The following OR5K4 variants were observed in gnomAD, a reference collection of about 807,000 sequenced individuals.
OR5K4 encodes the protein olfactory receptor 5K4.
In OR5K4, 16 loss-of-function variants were observed where a neutral mutation model predicts 11.8. The ratio of observed to expected loss-of-function variants is 1.36; its 90% CI spans 0.92 to 2.06. OR5K4 has a LOEUF of 2.06. Ranked by LOEUF, OR5K4 falls within the 30% of genes most tolerant of loss-of-function variation. OR5K4 has a pLI of 0.00. For missense variants in OR5K4, 442 were observed against 386.9 expected (o/e 1.14, Z -1.19); for synonymous variants, 152 against 135.1 (o/e 1.12, Z -0.87).
In OR5K4 at chr3:98,354,467, C is replaced by A. The variant is rs750351796; in HGVS notation, c.614C>A (p.Pro205Gln). ...NELMIYIFSI[P>Q]IQIFTIATVL... ...CTAATGATATATATCTTTTCAATAC[C>A]AATTCAAATCTTTACCATTGCTACT... The change falls in exon 1 of 1, where the codon CCA becomes CAA. Residue 205 changes from proline (P) to glutamine (Q), a missense_variant. Coordinates refer to ENST00000354924, the MANE Select transcript of OR5K4 (RefSeq NM_001005517.1). 3.0e-5 allele frequency: 49 copies of A among 1,609,878 alleles called. No homozygotes were observed. Among genetic ancestry groups the A allele is most frequent in the Non-Finnish European group, 4.1e-5 (48 of 1,176,378 alleles).
Position 98,354,276 on chromosome 3 carries a change from C to A in OR5K4, c.423C>A (p.Cys141Ter). Residue 141 changes from cysteine to a stop codon, truncating the protein, a stop_gained, in exon 1 of 1, where the codon TGC (cysteine) becomes TGA (stop). Transcript: ENST00000354924. LOFTEE classifies it high-confidence loss of function. Reference protein sequence around the residue: ...QYHTMMSKTLCIRMTTGAFKA... With the variant: ...QYHTMMSKTL ...ACACCATGATGTCCAAGACGCTCTG[C>A]ATTCGGATGACCACAGGGGCCTTCA... 1 of 1,614,194 alleles carries A rather than the reference C, an allele frequency of 6.2e-7. No individual in the cohort carries two copies.
In OR5K4 at chr3:98,354,439, G is replaced by A. The variant is rs759769061; in HGVS notation, c.586G>A (p.Glu196Lys). The change falls in exon 1 of 1, where the codon GAA (glutamate) becomes AAA (lysine). Residue 196 changes from glutamate (E) to lysine (K), a missense_variant. Transcript: ENST00000354924. ...CTCCTGTACAGATCCTTCTATTAATGAACTAATGATATATATCTTTTCAAT... is the reference window on the plus strand; with the variant it reads ...CTCCTGTACAGATCCTTCTATTAATAAACTAATGATATATATCTTTTCAAT... ...RLSCTDPSIN[E>K]LMIYIFSIPI... The A allele has an allele frequency of 5.0e-6, 8 of 1,611,272 alleles. No individual in the cohort carries two copies. The highest frequency in any genetic ancestry group is 5.9e-6 in the Non-Finnish European group (7 of 1,177,632).
chr3:98,354,054 T>A lies in OR5K4; in HGVS notation c.201T>A (p.Ala67=). 1 of 1,614,112 alleles carries A rather than the reference T, an allele frequency of 6.2e-7. No homozygotes were observed. Among genetic ancestry groups the A allele is most frequent in the Non-Finnish European group, 8.5e-7 (1 of 1,180,004 alleles). ...TGTACATCTTTCTGGGCAACCTGGC[T>A]CTGATGGATTCCTGCTGTTCCTGTG... The part of the protein sequence containing the change: ...TPMYIFLGNL[A]LMDSCCSCAV... The change falls in exon 1 of 1, where the codon GCT becomes GCA. Residue 67 remains alanine (A), a synonymous_variant. Coordinates refer to ENST00000354924, the MANE Select transcript of OR5K4 (RefSeq NM_001005517.1).
chr3:98,354,072 T>C lies in OR5K4; in HGVS notation c.219T>C (p.Cys73=), dbSNP rs1388014042. The part of the protein sequence containing the change: ...LGNLALMDSC[C]SCAVTPKMLE... ...ACCTGGCTCTGATGGATTCCTGCTG[T>C]TCCTGTGCTGTTACCCCCAAGATGT... is the stretch of plus-strand genomic sequence containing the variant. The change falls in exon 1 of 1, where the codon TGT becomes TGC. Residue 73 remains cysteine (C), a synonymous_variant. Transcript: ENST00000354924. 1.9e-6 allele frequency: 3 copies of C among 1,614,140 alleles called. No individual in the cohort carries two copies. The highest frequency in any genetic ancestry group is 2.5e-6 in the Non-Finnish European group (3 of 1,180,016).
In OR5K4 at chr3:98,354,304, G is replaced by A; in HGVS notation, c.451G>A (p.Ala151Thr). Residue 151 changes from alanine to threonine, a missense_variant, in exon 1 of 1, where the codon GCT becomes ACT. Physicochemically the swap from Ala to Thr is moderately conservative, Grantham distance 58. Coordinates refer to ENST00000354924, the MANE Select transcript of OR5K4 (RefSeq NM_001005517.1). ...TCGGATGACCACAGGGGCCTTCAAA[G>A]CTGGAAACCTGCATTCCATGATTCA... ...CIRMTTGAFK[A>T]GNLHSMIHVG... The A allele has an allele frequency of 1.2e-6, 2 of 1,614,142 alleles. No homozygotes were observed. Among genetic ancestry groups the A allele is most frequent in the South Asian group, 1.1e-5 (1 of 91,080 alleles).
chr3:98,354,624 G>T lies in OR5K4; in HGVS notation c.771G>T (p.Met257Ile). ...SVSIFYICLLMYIGPSEEGDK... is the reference protein window; with the variant it reads ...SVSIFYICLLIYIGPSEEGDK... ...CAATATTTTACATTTGTCTTCTCAT[G>T]TATATTGGACCATCTGAAGAAGGAG... Residue 257 changes from methionine to isoleucine, a missense_variant, in exon 1 of 1, where the codon ATG (methionine) becomes ATT (isoleucine). Met to Ile is a conservative substitution (Grantham distance 10). Coordinates refer to ENST00000354924, the MANE Select transcript of OR5K4 (RefSeq NM_001005517.1). 3.1e-6 allele frequency: 5 copies of T among 1,613,130 alleles called. No homozygotes were observed. The highest frequency in any genetic ancestry group is 4.2e-6 in the Non-Finnish European group (5 of 1,179,314).
Position 98,354,288 on chromosome 3 carries a change from C to T in OR5K4, c.435C>T (p.Thr145=). 2 of 1,614,152 alleles carry T rather than the reference C, an allele frequency of 1.2e-6. No homozygotes were observed. The highest frequency in any genetic ancestry group is 1.7e-6 in the Non-Finnish European group (2 of 1,180,034). Residue 145 remains threonine, a synonymous_variant, in exon 1 of 1, where the codon ACC becomes ACT. Transcript: ENST00000354924. ...MMSKTLCIRM[T]TGAFKAGNLH... ...CCAAGACGCTCTGCATTCGGATGAC[C>T]ACAGGGGCCTTCAAAGCTGGAAACC...
rs1707029934 is a variant in OR5K4 at position 98,354,142 on chromosome 3, T to C, written c.289T>C (p.Cys97Arg). ...GGATAGAATTATTTCCCTGTATGAA[T>C]GTATGGCACAATTTTATTTTCTCTG... ...SEDRIISLYE[C>R]MAQFYFLCLA... Residue 97 changes from cysteine to arginine, a missense_variant, in exon 1 of 1, where the codon TGT (cysteine) becomes CGT (arginine). Physicochemically the swap from Cys to Arg is radical, Grantham distance 180. Coordinates refer to ENST00000354924, the MANE Select transcript of OR5K4 (RefSeq NM_001005517.1). 10 of 1,614,104 alleles carry C rather than the reference T, an allele frequency of 6.2e-6. No individual in the cohort carries two copies. Among genetic ancestry groups the C allele is most frequent in the Non-Finnish European group, 2.5e-6 (3 of 1,180,034 alleles).
Position 98,354,053 on chromosome 3 carries a change from C to T in OR5K4, c.200C>T (p.Ala67Val). The T allele has an allele frequency of 8.7e-6, 14 of 1,614,002 alleles. No individual in the cohort carries two copies. The highest frequency in any genetic ancestry group is 1.2e-5 in the Non-Finnish European group (14 of 1,179,948). Residue 67 changes from alanine (A) to valine (V), a missense_variant, in exon 1 of 1, where the codon GCT becomes GTT. Ala to Val is a moderately conservative substitution (Grantham distance 64, BLOSUM62 0). Transcript: ENST00000354924. Reference sequence around the variant, plus strand: ...ATGTACATCTTTCTGGGCAACCTGGCTCTGATGGATTCCTGCTGTTCCTGT... The same window carrying T: ...ATGTACATCTTTCTGGGCAACCTGGTTCTGATGGATTCCTGCTGTTCCTGT... ...TPMYIFLGNL[A>V]LMDSCCSCAV...
Position 98,354,034 on chromosome 3 carries a change from A to G in OR5K4, c.181A>G (p.Ile61Val), listed in dbSNP as rs189993273. 102 of 1,613,992 alleles carry G rather than the reference A, an allele frequency of 6.3e-5. No individual in the cohort carries two copies. Among genetic ancestry groups the G allele is most frequent in the East Asian group, 6.2e-4 (28 of 44,850 alleles). ...GCGTCGTCTTCTCACACCAATGTAC[A>G]TCTTTCTGGGCAACCTGGCTCTGAT... Reference protein sequence around the residue: ...VERRLLTPMYIFLGNLALMDS... With the variant: ...VERRLLTPMYVFLGNLALMDS... The change falls in exon 1 of 1, where the codon ATC (isoleucine) becomes GTC (valine). Residue 61 changes from isoleucine (I) to valine (V), a missense_variant. Transcript: ENST00000354924.
chr3:98,354,762 G>A lies in OR5K4; in HGVS notation c.909G>A (p.Arg303=). ...EVINVLKKIM[R]NYNILKQTCS... ...TAAATGTTCTTAAAAAAATTATGAG[G>A]AATTATAACATTCTTAAACAAACTT... Residue 303 remains arginine (R), a synonymous_variant, in exon 1 of 1, where the codon AGG becomes AGA. Transcript: ENST00000354924. 1 of 1,484,118 alleles carries A rather than the reference G, an allele frequency of 6.7e-7. No individual in the cohort carries two copies. The highest frequency in any genetic ancestry group is 9.2e-7 in the Non-Finnish European group (1 of 1,087,238). 91.9% of individuals were successfully genotyped at this position (1,484,118 alleles called of 1,614,324 possible).
Position 98,353,863 on chromosome 3 carries a change from G to GA in OR5K4, c.14dup (p.Asn5LysfsTer7), listed in dbSNP as rs1707024726. 1 of 1,599,996 alleles carries GA rather than the reference G, an allele frequency of 6.3e-7. No homozygotes were observed. The highest frequency in any genetic ancestry group is 1.7e-5 in the Admixed American group (1 of 57,414). On this transcript the variant is annotated frameshift_variant, in exon 1 of 1. Transcript: ENST00000354924. LOFTEE classifies it low-confidence loss of function (END_TRUNC). ...AGAAGAGAAGCCAGGAATGGCTAGGGAAAATCACTCCTTAGCAGCTGAATT... is the reference window on the plus strand; with the variant it reads ...AGAAGAGAAGCCAGGAATGGCTAGGGAAAAATCACTCCTTAGCAGCTGAATT...
In OR5K4 at chr3:98,354,466, C is replaced by G; in HGVS notation, c.613C>G (p.Pro205Ala). Reference protein sequence around the residue: ...NELMIYIFSIPIQIFTIATVL... With the variant: ...NELMIYIFSIAIQIFTIATVL... ...ACTAATGATATATATCTTTTCAATA[C>G]CAATTCAAATCTTTACCATTGCTAC... is the stretch of plus-strand genomic sequence containing the variant. Residue 205 changes from proline (P) to alanine (A), a missense_variant, in exon 1 of 1, where the codon CCA (proline) becomes GCA (alanine). Pro to Ala is a conservative substitution (Grantham distance 27, BLOSUM62 -1). Transcript: ENST00000354924. The G allele has an allele frequency of 6.2e-7, 1 of 1,610,208 alleles. No homozygotes were observed. The highest frequency in any genetic ancestry group is 1.3e-5 in the African/African-American group (1 of 74,946).
Position 98,354,089 on chromosome 3 carries a change from C to G in OR5K4, c.236C>G (p.Pro79Arg), listed in dbSNP as rs755489313. ...TCCTGCTGTTCCTGTGCTGTTACCC[C>G]CAAGATGTTAGAGAATTTCTTTTCT... ...MDSCCSCAVT[P>R]KMLENFFSED... The change falls in exon 1 of 1, where the codon CCC becomes CGC. Residue 79 changes from proline to arginine, a missense_variant. Coordinates refer to ENST00000354924, the MANE Select transcript of OR5K4 (RefSeq NM_001005517.1). 1.9e-5 allele frequency: 30 copies of G among 1,614,040 alleles called. No individual in the cohort carries two copies. In the South Asian group the frequency reaches 1.9e-4, roughly 10 times the overall value.
In OR5K4 at chr3:98,354,003, T is replaced by C. The variant is rs1254551198; in HGVS notation, c.150T>C (p.Tyr50=). The change falls in exon 1 of 1, where the codon TAT becomes TAC. Residue 50 remains tyrosine, a synonymous_variant. Transcript: ENST00000354924. ...VGNLGLVALI[Y]VERRLLTPMY... ...ATCTTGGTCTGGTGGCATTAATTTA[T>C]GTAGAGCGTCGTCTTCTCACACCAA... 1.9e-6 allele frequency: 3 copies of C among 1,614,206 alleles called. No homozygotes were observed. Among genetic ancestry groups the C allele is most frequent in the South Asian group, 2.2e-5 (2 of 91,084 alleles).
chr3:98,354,221 A>T lies in OR5K4; in HGVS notation c.368A>T (p.Tyr123Phe), dbSNP rs140109788. 5,237 of 1,614,210 alleles carry T rather than the reference A, an allele frequency of 3.2e-3. 130 individuals are homozygous for T. The South Asian group carries it at 0.041, about 13-fold the overall frequency. ...FLLATMAYDR[Y>F]VAICHPLQYH... Reference sequence around the variant, plus strand: ...CTGGCGACAATGGCCTATGACCGCTATGTGGCCATATGCCACCCACTGCAG... The same window carrying T: ...CTGGCGACAATGGCCTATGACCGCTTTGTGGCCATATGCCACCCACTGCAG... The change falls in exon 1 of 1, where the codon TAT becomes TTT. Residue 123 changes from tyrosine (Y) to phenylalanine (F), a missense_variant. Tyr to Phe is a conservative substitution (Grantham distance 22). Coordinates refer to ENST00000354924, the MANE Select transcript of OR5K4 (RefSeq NM_001005517.1).
Position 98,354,158 on chromosome 3 carries a change from A to C in OR5K4, c.305A>C (p.Tyr102Ser). The C allele has an allele frequency of 2.5e-6, 4 of 1,613,914 alleles. No homozygotes were observed. The highest frequency in any genetic ancestry group is 2.2e-5 in the South Asian group (2 of 91,062). ...CTGTATGAATGTATGGCACAATTTT[A>C]TTTTCTCTGTCTTGCTGAAACCACA... ...ISLYECMAQF[Y>S]FLCLAETTDC... The change falls in exon 1 of 1, where the codon TAT (tyrosine) becomes TCT (serine). Residue 102 changes from tyrosine to serine, a missense_variant. Transcript: ENST00000354924.
At position 98,354,427 on chromosome 3, in the gene OR5K4, C is replaced by T; in HGVS notation, c.574C>T (p.Pro192Ser). ...ACTGTATAGACTCTCCTGTACAGAT[C>T]CTTCTATTAATGAACTAATGATATA... ...LPLYRLSCTD[P>S]SINELMIYIF... Residue 192 changes from proline to serine, a missense_variant, in exon 1 of 1, where the codon CCT becomes TCT. Coordinates refer to ENST00000354924, the MANE Select transcript of OR5K4 (RefSeq NM_001005517.1). 1.2e-6 allele frequency: 2 copies of T among 1,610,294 alleles called. No homozygotes were observed. Among genetic ancestry groups the T allele is most frequent in the Non-Finnish European group, 1.7e-6 (2 of 1,176,498 alleles).
Position 98,353,971 on chromosome 3 carries a change from G to C in OR5K4, c.118G>C (p.Val40Leu). Residue 40 changes from valine (V) to leucine (L), a missense_variant, in exon 1 of 1, where the codon GTG becomes CTG. Coordinates refer to ENST00000354924, the MANE Select transcript of OR5K4 (RefSeq NM_001005517.1). ...VFSAIYLVTM[V>L]GNLGLVALIY... ...CTCTGCCATCTATCTGGTCACCATG[G>C]TGGGGAATCTTGGTCTGGTGGCATT... is the stretch of plus-strand genomic sequence containing the variant. 6.2e-7 allele frequency: 1 copy of C among 1,614,140 alleles called. No individual in the cohort carries two copies. Among genetic ancestry groups the C allele is most frequent in the Non-Finnish European group, 8.5e-7 (1 of 1,180,024 alleles).
Sources: allele counts gnomAD v4.1 joint callset, GRCh38; gene constraint gnomAD v4.1.1; transcripts MANE v1.5; gene names NCBI Gene and HGNC (gene_info 2026-07-23, HGNC 2026-07-21).